Variants in PAM observed in about 807,000 individuals in gnomAD.
PAM encodes the protein peptidylglycine alpha-amidating monooxygenase.
A neutral mutation model predicts 122.1 loss-of-function variants in PAM; 72 were observed. The observed-to-expected ratio is 0.59, with a 90% CI of 0.49 to 0.72. The LOEUF (loss-of-function observed/expected upper bound fraction) is 0.72. PAM is among the 30% of genes least tolerant of loss of function. The pLI, the probability that PAM is intolerant of heterozygous loss-of-function variation, is 0.00. For synonymous variants in PAM, 389 were observed against 404.4 expected (o/e 0.96, Z 0.46); for missense variants, 1,106 against 1,183.7 (o/e 0.93, Z 0.96).
At chr5:102,821,681 T>G (rs1771966583) in intron 1 of PAM, among the ~76,000 whole-genome samples, 1 of 152,188 alleles carries the variant, frequency 6.6e-6, no homozygotes. Flanking sequence ...GAAAGTACTG[T>G]TATAATTACC....
chr5:102,762,582 A>G (rs574742219), intron 1 of PAM, among the ~76,000 whole-genome samples: 2 of 152,246 alleles, frequency 1.3e-5, no homozygotes, highest in Admixed American at 1.3e-4. Context: ...TGAAATAAGG[A>G]AATAAAAGTA....
chr5:102,923,533 A>G (rs1748206374), intron 5 of PAM, among the ~76,000 whole-genome samples: 1 of 152,236 alleles, frequency 6.6e-6, no homozygotes, highest in Non-Finnish European at 1.5e-5. Context: ...ACACAAATAC[A>G]CAAATCAACA....
intron 23 of PAM, among the ~76,000 whole-genome samples, chr5:103,021,776 A>G (rs1783623360): frequency 6.6e-6 from 1 of 152,170 alleles, no homozygotes; most frequent in Non-Finnish European, 1.5e-5. Context: ...CTTATGTTTT[A>G]TCAATATCTT....
At chr5:102,785,495 G>T (rs750072883) in intron 1 of PAM, among the ~76,000 whole-genome samples, 42 of 152,158 alleles carry the variant, frequency 2.8e-4, no homozygotes, top group Non-Finnish European at 2.5e-4. Context: ...ATCATGTGGA[G>T]GTAAGAAGAT....
intron 3 of PAM, among the ~76,000 whole-genome samples, chr5:102,898,598 T>C (rs1186392628): frequency 6.6e-6 from 1 of 151,688 alleles, no homozygotes; most frequent in African/African-American, 2.4e-5. Context: ...TGGCTGTGGC[T>C]CTAATCTAGT....
intron 1 of PAM, among the ~76,000 whole-genome samples, chr5:102,831,439 T>A (rs1580687959): frequency 6.4e-5 from 1 of 15,730 alleles, no homozygotes; most frequent in South Asian, 6.2e-3. Flanking sequence ...TTTTTTTCCT[T>A]TTTTTTTTTA....
intron 1 of PAM, among the ~76,000 whole-genome samples, chr5:102,853,421 G>A (rs773479198): frequency 9.9e-5 from 15 of 152,086 alleles, no homozygotes; most frequent in Non-Finnish European, 1.9e-4. Flanking sequence ...TAAAGTGCCT[G>A]ACGTCTGAAG....
intron 7 of PAM, among the ~76,000 whole-genome samples, chr5:102,930,513 C>T (rs1439863807): frequency 6.6e-6 from 1 of 152,108 alleles, no homozygotes; most frequent in Non-Finnish European, 1.5e-5. Context: ...GCATCTTAGA[C>T]ACAAAGAACT....
chr5:102,866,602 A>G (rs1246897266), intron 2 of PAM: 10 of 331,862 alleles, frequency 3.0e-5, no homozygotes, highest in Non-Finnish European at 5.1e-5. Context: ...AGCTCGAAGA[A>G]TAAAATATAA....
At chr5:102,930,024 G>C (rs1277543672) in intron 7 of PAM, among the ~76,000 whole-genome samples, 2 of 152,052 alleles carry the variant, frequency 1.3e-5, no homozygotes, top group African/African-American at 4.8e-5. Context: ...GAAAAGATTG[G>C]CTGTGATTTT....
intron 3 of PAM, among the ~76,000 whole-genome samples, chr5:102,874,295 G>A (rs6872741): frequency 0.09 from 13,642 of 152,168 alleles, 1,511 homozygotes; most frequent in African/African-American, 0.25. Context: ...CAAGTGTCAA[G>A]TATATGAATT....
rs1777418216 is a variant in PAM, at chr5:102,837,510, C to G, written c.-373-28313C>G. Among the ~76,000 whole-genome samples the G allele has an allele frequency of 2.0e-5, 3 of 152,186 alleles. No individual in the cohort carries two copies. The South Asian group carries it at 6.2e-4, about 31-fold the overall frequency. On this transcript the variant is annotated intron_variant, in intron 1 of 25. Coordinates refer to ENST00000438793, the MANE Select transcript of PAM (RefSeq NM_001177306.2). Reference sequence around the variant, plus strand: ...ACACTTCTTGCTTTTATGATAACTTCAACCCACAAATATTTCCTCTCCTTT... The same window carrying G: ...ACACTTCTTGCTTTTATGATAACTTGAACCCACAAATATTTCCTCTCCTTT...
chr5:103,012,934 G>A (rs892138407), intron 21 of PAM, among the ~76,000 whole-genome samples: 4 of 151,798 alleles, frequency 2.6e-5, no homozygotes, highest in Non-Finnish European at 5.9e-5. Context: ...ATTGGTCTAT[G>A]TGTCTGTTTT....
intron 15 of PAM, among the ~76,000 whole-genome samples, chr5:102,983,119 G>C (rs887577108): frequency 2.0e-4 from 30 of 151,790 alleles, no homozygotes; most frequent in African/African-American, 6.8e-4. Flanking sequence ...CAAGCAGAAG[G>C]AAGAATTTCT....
chr5:103,004,412 T>C (rs1164836225), intron 17 of PAM, among the ~76,000 whole-genome samples: 1 of 152,122 alleles, frequency 6.6e-6, no homozygotes, highest in Admixed American at 6.6e-5. Flanking sequence ...ATCAGAGTGT[T>C]ACAGTTATGG....
chr5:102,974,555 T>A, intron 15 of PAM, 119 bp downstream of exon 15: 1 of 652,002 alleles, frequency 1.5e-6, no homozygotes, highest in Non-Finnish European at 2.6e-6. Context: ...GGACTTATCA[T>A]TAGAAAAAAA....
chr5:102,826,988 A>G (rs1241944211), intron 1 of PAM, among the ~76,000 whole-genome samples: 1 of 152,220 alleles, frequency 6.6e-6, no homozygotes. Context: ...GTACTTTTAA[A>G]GAAAAGAATG....
rs979394002 is a variant in PAM, at chr5:103,029,009, G to C, written c.2866G>C (p.Glu956Gln). Residue 956 changes from glutamate (E) to glutamine (Q), a missense_variant, in exon 26 of 26, where the codon GAA (glutamate) becomes CAA (glutamine). By Grantham distance (29) the Glu-to-Gln change is conservative (BLOSUM62 2). Transcript: ENST00000438793. ...SDQEKEDDGS[E>Q]SEEEYSAPLP... is the part of the protein sequence containing the mutation. Reference sequence around the variant, plus strand: ...CCAAGAGAAAGAGGATGATGGAAGTGAATCAGAAGAGGAGTATTCAGCACC... The same window carrying C: ...CCAAGAGAAAGAGGATGATGGAAGTCAATCAGAAGAGGAGTATTCAGCACC... 4 of 1,613,752 alleles carry C rather than the reference G, an allele frequency of 2.5e-6. No homozygotes were observed. The highest frequency in any genetic ancestry group is 3.4e-6 in the Non-Finnish European group (4 of 1,179,856).
intron 7 of PAM, among the ~76,000 whole-genome samples, chr5:102,939,738 C>G (rs1754479655): frequency 6.6e-6 from 1 of 151,808 alleles, no homozygotes; most frequent in Non-Finnish European, 1.5e-5. Flanking sequence ...AGTGTATTCC[C>G]TAATTAATAC....
Sources: gnomAD v4.1 joint callset for allele counts (sites outside exome capture counted in the v4.1 genomes callset) on GRCh38, gnomAD v4.1.1 for gene constraint, MANE v1.5 for transcripts, NCBI Gene and HGNC (gene_info 2026-07-23, HGNC 2026-07-21) for gene names.